ANKRD53: variants seen among roughly 807,000 people sequenced by gnomAD.
The protein encoded by ANKRD53 is ankyrin repeat domain 53, also known as ankyrin repeat domain-containing protein 53.
A neutral mutation model predicts 30.1 loss-of-function variants in ANKRD53; 27 were observed. The observed-to-expected ratio is 0.90, with a 90% CI of 0.66 to 1.24. The LOEUF (loss-of-function observed/expected upper bound fraction) is 1.24, where lower values mean the gene tolerates loss of function less well. Among genes scored for constraint, ANKRD53 ranks in the 50% most tolerant of loss-of-function variants. The pLI is 0.00. For missense variants in ANKRD53, 682 were observed against 721.0 expected, an observed-to-expected ratio of 0.95 and a Z score of 0.62; for synonymous variants, 286 against 295.4, an observed-to-expected ratio of 0.97 and a Z score of 0.33.
chr2:70,979,634 T>G (rs536241452), intron 2 of ANKRD53, 27 bp from the exon 3 acceptor site: 39 of 1,604,366 alleles, frequency 2.4e-5, no homozygotes, highest in Non-Finnish European at 3.1e-5. Context: ...CCACTCAGCC[T>G]CCTCCTGCCT....
In ANKRD53 at chr2:70,984,704, G is replaced by A. The variant is rs1553424346; in HGVS notation, c.997G>A (p.Ala333Thr). ...GHSLVSNTKQARATALSKTPE... is the reference protein window; with the variant it reads ...GHSLVSNTKQTRATALSKTPE... ...CTCTCTGGTCTCCAATACCAAGCAA[G>A]CCCGGGCCACCGCCCTCTCCAAGAC... Residue 333 changes from alanine to threonine, a missense_variant, in exon 6 of 6, where the codon GCC becomes ACC. By Grantham distance (58) the Ala-to-Thr change is moderately conservative (BLOSUM62 0). Transcript: ENST00000360589. 1 of 1,612,566 alleles carries A rather than the reference G, an allele frequency of 6.2e-7. No individual in the cohort carries two copies. The highest frequency in any genetic ancestry group is 1.1e-5 in the South Asian group (1 of 91,032).
In ANKRD53 at chr2:70,981,919, G is replaced by C; in HGVS notation, c.618-17G>C. ...TTTCCTTTCTGCCCTTATCCCCACT[G>C]GTGGGGCCTTCCACAGTCAGACATG... On this transcript the variant is annotated splice_polypyrimidine_tract_variant and intron_variant, in intron 3 of 5. Coordinates refer to ENST00000360589, the MANE Select transcript of ANKRD53 (RefSeq NM_001115116.2). 1 of 1,553,870 alleles carries C rather than the reference G, an allele frequency of 6.4e-7. No homozygotes were observed.
intron 3 of ANKRD53, among the ~76,000 whole-genome samples, chr2:70,981,362 G>A (rs1368486155): frequency 6.6e-6 from 1 of 152,118 alleles, no homozygotes; most frequent in African/African-American, 2.4e-5. Context: ...TAAACGGGGT[G>A]ATGGTGTAGG....
chr2:70,982,643 G>T lies in ANKRD53; in HGVS notation c.849G>T (p.Lys283Asn). The change falls in exon 5 of 6, where the codon AAG becomes AAT. Residue 283 changes from lysine (K) to asparagine (N), a missense_variant. Lys to Asn is a moderately conservative substitution (Grantham distance 94). Coordinates refer to ENST00000360589, the MANE Select transcript of ANKRD53 (RefSeq NM_001115116.2). The surrounding 1 kb of genome is among the most constrained non-coding windows in gnomAD (Gnocchi z 4.2). ...TTGCCCGTGAGATGACGAAAATGAA[G>T]ATGTTCAAGAGCCAGCTGACCCTCA... is the stretch of plus-strand genomic sequence containing the variant. ...KDFAREMTKMKMFKSQLTLME... is the reference protein window; with the variant it reads ...KDFAREMTKMNMFKSQLTLME... 6.2e-7 allele frequency: 1 copy of T among 1,614,166 alleles called. No homozygotes were observed. The highest frequency in any genetic ancestry group is 8.5e-7 in the Non-Finnish European group (1 of 1,180,016).
At position 70,979,796 on chromosome 2, in the gene ANKRD53, G is replaced by C; in HGVS notation, c.553G>C (p.Asp185His). The C allele has an allele frequency of 6.2e-7, 1 of 1,614,210 alleles. No individual in the cohort carries two copies. Among genetic ancestry groups the C allele is most frequent in the African/African-American group, 1.3e-5 (1 of 75,052 alleles). The stretch of plus-strand genomic sequence containing the variant: ...ACCCCTGCACCTCGTCATCCACAGG[G>C]ACAACACCACCGTGGCCCTCCCCTG... ...QTPLHLVIHR[D>H]NTTVALPCIY... The change falls in exon 3 of 6, where the codon GAC (aspartate) becomes CAC (histidine). Residue 185 changes from aspartate (D) to histidine (H), a missense_variant. By Grantham distance (81) the Asp-to-His change is moderately conservative. Coordinates refer to ENST00000360589, the MANE Select transcript of ANKRD53 (RefSeq NM_001115116.2).
At position 70,979,087 on chromosome 2, in the gene ANKRD53, C is replaced by T. The variant is rs782783247; in HGVS notation, c.171-10C>T. ...GCCCAGAGTCGCTTCCCCACTGCCC[C>T]GCCCTCCAGCCAGCCCCTGCCCGAC... On this transcript the variant is annotated splice_polypyrimidine_tract_variant and intron_variant, in intron 1 of 5. Coordinates refer to ENST00000360589, the MANE Select transcript of ANKRD53 (RefSeq NM_001115116.2). The T allele has an allele frequency of 5.1e-6, 8 of 1,577,554 alleles. No individual in the cohort carries two copies. In the East Asian group the frequency reaches 9.0e-5, roughly 18 times the overall value.
Position 70,979,468 on chromosome 2 carries a change from G to A in ANKRD53, c.417+125G>A, listed in dbSNP as rs911074847. 8 of 1,500,922 alleles carry A rather than the reference G, an allele frequency of 5.3e-6. No homozygotes were observed. In the Admixed American group the frequency reaches 1.3e-4, roughly 24 times the overall value. The allele number at this position is 1,500,922 out of a possible 1,614,324, so 93.0% of individuals were successfully genotyped here. A position where few individuals can be genotyped will look rare whatever the true frequency, so the allele number is the denominator to read the frequency against. ...TCCTAATTTAACTCATCTTCTGGCT[G>A]TGGAAGGACCATTTTGGGGGCAGGG... is the stretch of plus-strand genomic sequence containing the variant. On this transcript the variant is annotated intron_variant, in intron 2 of 5. Coordinates refer to ENST00000360589, the MANE Select transcript of ANKRD53 (RefSeq NM_001115116.2).
Position 70,985,183 on chromosome 2 carries a change from C to T in ANKRD53, c.1476C>T (p.Thr492=). The T allele has an allele frequency of 6.4e-7, 1 of 1,551,326 alleles. No homozygotes were observed. The highest frequency in any genetic ancestry group is 8.7e-7 in the Non-Finnish European group (1 of 1,146,916). The stretch of plus-strand genomic sequence containing the variant: ...GGAAGCGGCACCTGGGTGACAACAC[C>T]TTCTGGACCGACACTCTGGCCATGA... ...VPRKRHLGDN[T]FWTDTLAMNL... Residue 492 remains threonine (T), a synonymous_variant, in exon 6 of 6, where the codon ACC becomes ACT. Transcript: ENST00000360589.
At position 70,982,882 on chromosome 2, in the gene ANKRD53, T is replaced by C. The variant is rs1670053296; in HGVS notation, c.903+185T>C. The stretch of plus-strand genomic sequence containing the variant: ...CCGCTCTTTTAAATAAGCCAGTCTT[T>C]TGGTCAAAAGTCTTATCCTGTGTTA... On this transcript the variant is annotated intron_variant, in intron 5 of 5. Transcript: ENST00000360589. The surrounding 1 kb of genome is among the most constrained non-coding windows in gnomAD (Gnocchi z 4.2). Among the ~76,000 whole-genome samples the C allele has an allele frequency of 6.6e-6, 1 of 152,164 alleles. No individual in the cohort carries two copies. Among genetic ancestry groups the C allele is most frequent in the Non-Finnish European group, 1.5e-5 (1 of 68,026 alleles).
Position 70,985,117 on chromosome 2 carries a change from G to A in ANKRD53, c.1410G>A (p.Val470=). Residue 470 remains valine, a synonymous_variant, in exon 6 of 6, where the codon GTG becomes GTA. Transcript: ENST00000360589. Reference sequence around the variant, plus strand: ...GTGTATGGCCATACAGAATGAAGGTGCCCCAGGGCTTTTACCCCATCAGCA... The same window carrying A: ...GTGTATGGCCATACAGAATGAAGGTACCCCAGGGCTTTTACCCCATCAGCA... ...YPRVWPYRMK[V]PQGFYPISMR... 2 of 1,551,114 alleles carry A rather than the reference G, an allele frequency of 1.3e-6. No homozygotes were observed. Among genetic ancestry groups the A allele is most frequent in the African/African-American group, 1.4e-5 (1 of 73,178 alleles).
rs35678252 is a variant in ANKRD53, at chr2:70,985,491, A to AC, written c.*198dup. 189,341 of 568,400 alleles carry AC rather than the reference A, an allele frequency of 0.33. 31,880 individuals carry two copies. The highest frequency in any genetic ancestry group is 0.44 in the South Asian group (19,602 of 44,472). The allele number at this position is 568,400 out of a possible 1,614,324, so 35.2% of individuals were successfully genotyped here. On this transcript the variant is annotated 3_prime_UTR_variant, in exon 6 of 6. Transcript: ENST00000360589. ...TTTCTCTGCAAATAAATCTCTTGGCACCCCCCCACCGCCGCCAGGAAATCC... is the reference window on the plus strand; with the variant it reads ...TTTCTCTGCAAATAAATCTCTTGGCACCCCCCCCACCGCCGCCAGGAAATCC...
intron 3 of ANKRD53, 128 bp downstream of exon 3, chr2:70,979,988 T>TA: frequency 4.5e-6 from 5 of 1,104,104 alleles, no homozygotes; most frequent in Non-Finnish European, 6.5e-6. Flanking sequence ...GGGTCCCACA[T>TA]AAAGCAGTCA....
In ANKRD53 at chr2:70,981,258, G is replaced by A. The variant is rs868972104; in HGVS notation, c.618-678G>A. The stretch of plus-strand genomic sequence containing the variant: ...TCACAGAAATGGTCCCTCTCCTCAC[G>A]AAGCTGACATTCTAGTAAAGGAGCA... On this transcript the variant is annotated intron_variant, in intron 3 of 5. Transcript: ENST00000360589. Among the ~76,000 whole-genome samples, 7 of 152,116 alleles carry A rather than the reference G, an allele frequency of 4.6e-5. No individual in the cohort carries two copies. The South Asian group carries it at 8.3e-4, about 18-fold the overall frequency.
At chr2:70,979,451 T>C in intron 2 of ANKRD53, 108 bp downstream of exon 2, 1 of 1,530,590 alleles carries the variant, frequency 6.5e-7, no homozygotes. Flanking sequence ...CTTCCTAATT[T>C]AACTCATCTT....
At chr2:70,979,032 G>A in intron 1 of ANKRD53, 65 bp from the exon 2 acceptor site, 1 of 1,480,568 alleles carries the variant, frequency 6.8e-7, no homozygotes, top group Non-Finnish European at 8.9e-7. Flanking sequence ...GGGGGCCAGG[G>A]ATCGCCTCCC....
Position 70,979,940 on chromosome 2 carries a change from C to T in ANKRD53, c.617+80C>T, listed in dbSNP as rs1669956843. The T allele has an allele frequency of 9.2e-6, 14 of 1,516,148 alleles. No individual in the cohort carries two copies. In the South Asian group the frequency reaches 1.6e-4, roughly 18 times the overall value. The allele number at this position is 1,516,148 out of a possible 1,614,324, so 93.9% of individuals were successfully genotyped here. A position where few individuals can be genotyped will look rare whatever the true frequency, so the allele number is the denominator to read the frequency against. The stretch of plus-strand genomic sequence containing the variant: ...CTACTTCCAGGCAGGCAAATCCATG[C>T]AGGACAAGCAGAGGGGTTGCTGGAG... On this transcript the variant is annotated intron_variant, in intron 3 of 5. Transcript: ENST00000360589.
At chr2:70,980,776 T>C (rs1231403095) in intron 3 of ANKRD53, among the ~76,000 whole-genome samples, 1 of 151,710 alleles carries the variant, frequency 6.6e-6, no homozygotes, top group East Asian at 1.9e-4. Context: ...AAACCCCGTC[T>C]CTACTAAAAA....
In ANKRD53 at chr2:70,982,706, G is replaced by A. The variant is rs367829982; in HGVS notation, c.903+9G>A. 1.8e-5 allele frequency: 29 copies of A among 1,613,376 alleles called. 1 individual carries two copies. Among genetic ancestry groups the A allele is most frequent in the African/African-American group, 1.3e-4 (10 of 74,980 alleles). On this transcript the variant is annotated intron_variant, in intron 5 of 5. Coordinates refer to ENST00000360589, the MANE Select transcript of ANKRD53 (RefSeq NM_001115116.2). The surrounding 1 kb of genome is among the most constrained non-coding windows in gnomAD (Gnocchi z 4.2). ...ACCTGATTGAGTATCAAGTAAGGGGGACAGCAGGGGGGCCAGGGGACAGCT... is the reference window on the plus strand; with the variant it reads ...ACCTGATTGAGTATCAAGTAAGGGGAACAGCAGGGGGGCCAGGGGACAGCT...
chr2:70,980,091 G>A lies in ANKRD53; in HGVS notation c.617+231G>A, dbSNP rs191429163. Among the ~76,000 whole-genome samples the A allele has an allele frequency of 5.7e-3, 874 of 152,300 alleles. 3 individuals are homozygous for A. The highest frequency in any genetic ancestry group is 0.01 in the Middle Eastern group (3 of 294). ...AACACTTTGGAAGGCCGAGGCAGGC[G>A]GATCACCTGAGGTCAGGAGTTCAAC... On this transcript the variant is annotated intron_variant, in intron 3 of 5. Coordinates refer to ENST00000360589, the MANE Select transcript of ANKRD53 (RefSeq NM_001115116.2).
Sources: allele counts gnomAD v4.1 joint callset (sites outside exome capture counted in the v4.1 genomes callset), GRCh38; gene constraint gnomAD v4.1.1; non-coding constraint Gnocchi (gnomAD v3.1); transcripts MANE v1.5; gene names NCBI Gene and HGNC (gene_info 2026-07-23, HGNC 2026-07-21).